Variants in KIF20B observed in about 807,000 individuals in gnomAD.
The protein encoded by KIF20B is kinesin-like protein KIF20B.
Under a neutral mutation model 232.5 loss-of-function variants are expected in KIF20B, and 188 were observed. The ratio of observed to expected loss-of-function variants is 0.81; its 90% CI spans 0.72 to 0.91. The LOEUF (loss-of-function observed/expected upper bound fraction) is 0.91. Ranked by LOEUF, KIF20B falls within the 40% of genes least tolerant of loss-of-function variation. KIF20B has a pLI of 0.00. For missense variants in KIF20B, 2,154 were observed against 2,055.9 expected (o/e 1.05, Z -0.92); for synonymous variants, 712 against 683.0 (o/e 1.04, Z -0.66).
At chr10:89,748,523 C>G (rs1182910682) in intron 23 of KIF20B, among the ~76,000 whole-genome samples, 1 of 152,168 alleles carries the variant, frequency 6.6e-6, no homozygotes, top group Non-Finnish European at 1.5e-5. Context: ...CAGATTATTA[C>G]TTATTTAGCT....
Position 89,768,336 on chromosome 10 carries a change from A to G in KIF20B, c.5036A>G (p.Asn1679Ser). 6.3e-7 allele frequency: 1 copy of G among 1,594,340 alleles called. No homozygotes were observed. Among genetic ancestry groups the G allele is most frequent in the Non-Finnish European group, 8.5e-7 (1 of 1,169,920 alleles). ...AAGAAGAATGCTACACCCAGAACTA[A>G]TTTGAAATTTCCTATTTCAGATGAT... The part of the protein sequence containing the change: ...ENKKNATPRT[N>S]LKFPISDDRN... Residue 1679 changes from asparagine to serine, a missense_variant, in exon 30 of 33, where the codon AAT becomes AGT. Transcript: ENST00000371728.
At chr10:89,767,162 T>C (rs1285224609) in intron 29 of KIF20B, among the ~76,000 whole-genome samples, 1 of 147,570 alleles carries the variant, frequency 6.8e-6, no homozygotes, top group Non-Finnish European at 1.5e-5. Context: ...AATCCTATTT[T>C]CTTTTTTTCT....
chr10:89,747,876 T>TA (rs1265947399), intron 23 of KIF20B, among the ~76,000 whole-genome samples: 10 of 130,748 alleles, frequency 7.6e-5, no homozygotes, highest in African/African-American at 2.9e-4. Flanking sequence ...CCCTAAAACT[T>TA]AAAGTATAAT....
At chr10:89,729,325 C>T (rs1843268507) in intron 18 of KIF20B, 78 bp downstream of exon 18, 3 of 1,255,894 alleles carry the variant, frequency 2.4e-6, no homozygotes, top group South Asian at 2.9e-5. Context: ...TTTAAAATAG[C>T]TTATGCAACT....
intron 13 of KIF20B, among the ~76,000 whole-genome samples, chr10:89,720,173 G>T (rs1843022973): frequency 6.6e-6 from 1 of 152,096 alleles, no homozygotes. Flanking sequence ...TCTACAGCCA[G>T]AGTTAACACA....
At position 89,715,189 on chromosome 10, in the gene KIF20B, T is replaced by C. The variant is rs1457486989; in HGVS notation, c.940+7T>C. ...GGCTATTCTTTTATAAAAGGTATACTAATGAATATTTTTATCTTATTGCTC... is the reference window on the plus strand; with the variant it reads ...GGCTATTCTTTTATAAAAGGTATACCAATGAATATTTTTATCTTATTGCTC... On this transcript the variant is annotated splice_region_variant and intron_variant, in intron 8 of 32. Coordinates refer to ENST00000371728, the MANE Select transcript of KIF20B (RefSeq NM_001284259.2). 3 of 1,524,590 alleles carry C rather than the reference T, an allele frequency of 2.0e-6. No individual in the cohort carries two copies. The highest frequency in any genetic ancestry group is 1.2e-5 in the South Asian group (1 of 83,878). The allele number at this position is 1,524,590 out of a possible 1,614,324, so 94.4% of individuals were successfully genotyped here. A position where few individuals can be genotyped will look rare whatever the true frequency, so the allele number is the denominator to read the frequency against.
chr10:89,735,835 G>T (rs1841639646), intron 19 of KIF20B, among the ~76,000 whole-genome samples: 1 of 152,120 alleles, frequency 6.6e-6, no homozygotes, highest in African/African-American at 2.4e-5. Flanking sequence ...ACCGTGCCCG[G>T]CCAGAAAGTA....
chr10:89,768,216 AATTTTCTTT>A, intron 29 of KIF20B, 65 bp from the exon 30 acceptor site: 1 of 965,460 alleles, frequency 1.0e-6, no homozygotes. Flanking sequence ...GCTTTTTACA[AATTTTCTTT>A]TTTGAGTCTA....
chr10:89,728,905 T>TGTGTGTGTG (rs1843251152), intron 17 of KIF20B, among the ~76,000 whole-genome samples: 1 of 138,024 alleles, frequency 7.2e-6, no homozygotes, highest in Non-Finnish European at 1.5e-5. Flanking sequence ...TCTTTTTTCT[T>TGTGTGTGTG]TGTGTGTGTG....
intron 21 of KIF20B, among the ~76,000 whole-genome samples, chr10:89,740,978 C>T (rs754776790): frequency 4.6e-5 from 7 of 152,156 alleles, no homozygotes; most frequent in Non-Finnish European, 1.0e-4. Flanking sequence ...GGGCTGGCTG[C>T]TTTAAGGATG....
At chr10:89,753,582 G>A (rs1842063224) in intron 25 of KIF20B, among the ~76,000 whole-genome samples, 1 of 151,414 alleles carries the variant, frequency 6.6e-6, no homozygotes, top group Non-Finnish European at 1.5e-5. Flanking sequence ...TGTAATCCTG[G>A]AATGGACTGC....
chr10:89,737,915 A>C lies in KIF20B; in HGVS notation c.3074A>C (p.Gln1025Pro). 6.2e-7 allele frequency: 1 copy of C among 1,613,410 alleles called. No homozygotes were observed. Among genetic ancestry groups the C allele is most frequent in the Non-Finnish European group, 8.5e-7 (1 of 1,179,542 alleles). ...GAGGAGGATAATTTGCCAAATACAC[A>C]GTTAGACCTTTTAGGTAATGATTAT... ...GSEEDNLPNT[Q>P]LDLLGNDYLV... The change falls in exon 20 of 33, where the codon CAG (glutamine) becomes CCG (proline). Residue 1025 changes from glutamine (Q) to proline (P), a missense_variant. Transcript: ENST00000371728.
intron 23 of KIF20B, 48 bp from the exon 24 acceptor site, chr10:89,751,298 G>A (rs1842017201): frequency 7.4e-7 from 1 of 1,358,914 alleles, no homozygotes; most frequent in Non-Finnish European, 9.7e-7. Flanking sequence ...AGAAAAATTG[G>A]ATATCTAGAG....
chr10:89,732,291 ATTTTAATT>A (rs1843341092), intron 18 of KIF20B, among the ~76,000 whole-genome samples: 1 of 151,960 alleles, frequency 6.6e-6, no homozygotes, highest in South Asian at 2.1e-4. Context: ...AACACCTGGA[ATTTTAATT>A]TTTTGTAGAG....
At chr10:89,755,074 C>A (rs2133156712) in intron 26 of KIF20B, among the ~76,000 whole-genome samples, 1 of 152,258 alleles carries the variant, frequency 6.6e-6, no homozygotes, top group Non-Finnish European at 1.5e-5. Context: ...GTAGAAATGA[C>A]CTTCAGTTTT....
rs931196518 is a variant in KIF20B at position 89,716,570 on chromosome 10, G to A, written c.1052+23G>A. ...AAGGTAAAGAATAAACTCTGTAAGAGTAAACTCGAATCACCGATAGTATTC... is the reference window on the plus strand; with the variant it reads ...AAGGTAAAGAATAAACTCTGTAAGAATAAACTCGAATCACCGATAGTATTC... On this transcript the variant is annotated intron_variant, in intron 9 of 32. Transcript: ENST00000371728. The A allele has an allele frequency of 5.3e-6, 6 of 1,132,530 alleles. No homozygotes were observed. The African/African-American group carries it at 9.4e-5, about 18-fold the overall frequency. 70.2% of individuals were successfully genotyped at this position (1,132,530 alleles called of 1,614,324 possible). A position where few individuals can be genotyped will look rare whatever the true frequency, so the allele number is the denominator to read the frequency against.
At chr10:89,711,933 G>A (rs1389543143) in intron 6 of KIF20B, among the ~76,000 whole-genome samples, 1 of 151,908 alleles carries the variant, frequency 6.6e-6, no homozygotes, top group Non-Finnish European at 1.5e-5. Context: ...AATATATTTG[G>A]TGCTAATTTT....
chr10:89,725,063 G>A lies in KIF20B; in HGVS notation c.1906G>A (p.Glu636Lys). 1 of 1,613,616 alleles carries A rather than the reference G, an allele frequency of 6.2e-7. No homozygotes were observed. The highest frequency in any genetic ancestry group is 1.3e-5 in the African/African-American group (1 of 75,032). The change falls in exon 15 of 33, where the codon GAA becomes AAA. Residue 636 changes from glutamate (E) to lysine (K), a missense_variant. By Grantham distance (56) the Glu-to-Lys change is moderately conservative. Transcript: ENST00000371728. ...ACGAGAGATATTAGAAGAAAATGCTGAACGTCGTTTGGCTATCTTCAAGGA... is the reference window on the plus strand; with the variant it reads ...ACGAGAGATATTAGAAGAAAATGCTAAACGTCGTTTGGCTATCTTCAAGGA... ...QEREILEENA[E>K]RRLAIFKDLV...
At chr10:89,713,032 C>G (rs1373319101) in intron 6 of KIF20B, among the ~76,000 whole-genome samples, 2 of 151,872 alleles carry the variant, frequency 1.3e-5, no homozygotes, top group African/African-American at 4.8e-5. Context: ...ACTCCATAGC[C>G]AATTCATAGA....
Sources: gnomAD v4.1 joint callset for allele counts (sites outside exome capture counted in the v4.1 genomes callset) on GRCh38, gnomAD v4.1.1 for gene constraint, MANE v1.5 for transcripts, NCBI Gene and HGNC (gene_info 2026-07-23, HGNC 2026-07-21) for gene names.